Variants in SNCAIP observed in about 807,000 individuals in gnomAD.
SNCAIP encodes synuclein alpha interacting protein.
In SNCAIP, 43 loss-of-function variants were observed where a neutral mutation model predicts 86.7. The observed-to-expected ratio is 0.50, with a 90% CI of 0.39 to 0.64. The LOEUF (loss-of-function observed/expected upper bound fraction) is 0.64, where lower values mean the gene tolerates loss of function less well. Among genes scored for constraint, SNCAIP ranks in the 30% least tolerant of loss-of-function variants. The pLI is 0.00. For missense variants in SNCAIP, 981 were observed against 1,103.1 expected (o/e 0.89, Z 1.57); for synonymous variants, 417 against 427.2 (o/e 0.98, Z 0.29).
intron 3 of SNCAIP, among the ~76,000 whole-genome samples, chr5:122,421,667 G>A (rs1405568067): frequency 6.6e-6 from 1 of 152,176 alleles, no homozygotes; most frequent in Non-Finnish European, 1.5e-5. Context: ...CATGCCCCCT[G>A]AAATCTCATC....
chr5:122,394,473 A>T (rs893719192), intron 2 of SNCAIP, among the ~76,000 whole-genome samples: 5 of 152,228 alleles, frequency 3.3e-5, no homozygotes, highest in African/African-American at 1.2e-4. Context: ...TAAACTATAC[A>T]TTCTTGTAAT....
At chr5:122,437,309 A>G (rs996783486) in intron 6 of SNCAIP, 5 of 152,190 alleles carry the variant, frequency 3.3e-5, no homozygotes, top group Non-Finnish European at 7.4e-5. Context: ...CTCCACAGGC[A>G]TGGTCCCCAG....
At chr5:122,453,234 C>A (rs1784075293) in intron 10 of SNCAIP, among the ~76,000 whole-genome samples, 1 of 152,158 alleles carries the variant, frequency 6.6e-6, no homozygotes, top group Admixed American at 6.5e-5. Flanking sequence ...CTGCTCAGTT[C>A]ACAAACTTTT....
At chr5:122,356,628 C>T (rs1010587182) in intron 1 of SNCAIP, among the ~76,000 whole-genome samples, 19 of 152,186 alleles carry the variant, frequency 1.2e-4, no homozygotes, top group South Asian at 4.1e-4. Flanking sequence ...TCTCTTGGTT[C>T]CAGGGTCAGT....
At chr5:122,416,905 ATTG>A (rs762218242) in intron 3 of SNCAIP, among the ~76,000 whole-genome samples, 1 of 152,196 alleles carries the variant, frequency 6.6e-6, no homozygotes. Context: ...TGTGAGGTAT[ATTG>A]TTGTGTACAT....
At chr5:122,443,731 G>A (rs1257713555) in intron 7 of SNCAIP, 2 of 451,168 alleles carry the variant, frequency 4.4e-6, no homozygotes, top group South Asian at 1.6e-5. Context: ...ACTGGGAAAG[G>A]CATGCAACCT....
chr5:122,339,000 G>A (rs965513988), intron 1 of SNCAIP, among the ~76,000 whole-genome samples: 89 of 152,098 alleles, frequency 5.9e-4, no homozygotes, highest in African/African-American at 2.1e-3. Flanking sequence ...TCTAGGCCAG[G>A]GATTCCAAAG....
chr5:122,315,331 C>G (rs990905027), intron 1 of SNCAIP, among the ~76,000 whole-genome samples: 1 of 152,068 alleles, frequency 6.6e-6, no homozygotes, highest in Admixed American at 6.5e-5. Flanking sequence ...CAGCACACTC[C>G]CCTTGGCTTC....
intron 1 of SNCAIP, among the ~76,000 whole-genome samples, chr5:122,317,467 A>G (rs1751996781): frequency 6.6e-6 from 1 of 152,180 alleles, no homozygotes; most frequent in Non-Finnish European, 1.5e-5. Context: ...GATCACATGC[A>G]TATGCTTGAA....
intron 1 of SNCAIP, among the ~76,000 whole-genome samples, chr5:122,343,835 G>A (rs117323328): frequency 6.6e-6 from 1 of 152,220 alleles, no homozygotes; most frequent in African/African-American, 2.4e-5. Flanking sequence ...TAGGGGCATA[G>A]TCACCTCTGG....
intron 8 of SNCAIP, among the ~76,000 whole-genome samples, chr5:122,446,578 C>G (rs527292293): frequency 6.6e-6 from 1 of 152,312 alleles, no homozygotes; most frequent in South Asian, 2.1e-4. Flanking sequence ...GAACAGAATG[C>G]TGTGGACAGC....
chr5:122,382,249 T>G (rs1204812726), intron 1 of SNCAIP, among the ~76,000 whole-genome samples: 17 of 152,260 alleles, frequency 1.1e-4, no homozygotes, highest in Non-Finnish European at 2.2e-4. Context: ...TTCTTTTTAT[T>G]CTTTTTTCTC....
At chr5:122,334,708 C>T (rs1756078674) in intron 1 of SNCAIP, among the ~76,000 whole-genome samples, 1 of 152,060 alleles carries the variant, frequency 6.6e-6, no homozygotes, top group Non-Finnish European at 1.5e-5. Flanking sequence ...TTTTAAAGAC[C>T]ATTCTACAAT....
At chr5:122,313,662 CTG>C (rs1380045413) in intron 1 of SNCAIP, among the ~76,000 whole-genome samples, 2 of 152,230 alleles carry the variant, frequency 1.3e-5, no homozygotes, top group African/African-American at 4.8e-5. Flanking sequence ...AGTCTATTGA[CTG>C]TTTCTGATGC....
chr5:122,325,134 T>C (rs1218455025), intron 1 of SNCAIP, among the ~76,000 whole-genome samples: 1 of 152,150 alleles, frequency 6.6e-6, no homozygotes, highest in African/African-American at 2.4e-5. Context: ...CAAGGCAAGT[T>C]TGGGACACTT....
chr5:122,372,256 A>G (rs1322006343), intron 1 of SNCAIP, among the ~76,000 whole-genome samples: 1 of 152,196 alleles, frequency 6.6e-6, no homozygotes, highest in Non-Finnish European at 1.5e-5. Flanking sequence ...TTGTGTTTCT[A>G]AAAGAGCTCT....
At chr5:122,440,004 C>T (rs961533781) in intron 6 of SNCAIP, among the ~76,000 whole-genome samples, 2 of 152,160 alleles carry the variant, frequency 1.3e-5, no homozygotes, top group African/African-American at 4.8e-5. Context: ...GAAGGGAAAT[C>T]TTTACCTTAA....
At chr5:122,322,030 T>C (rs1050911520) in intron 1 of SNCAIP, among the ~76,000 whole-genome samples, 1 of 151,812 alleles carries the variant, frequency 6.6e-6, no homozygotes, top group South Asian at 2.1e-4. Context: ...AAGCCTCCTG[T>C]TGAGATTGCA....
intron 2 of SNCAIP, among the ~76,000 whole-genome samples, chr5:122,398,489 G>T (rs2152859058): frequency 6.6e-6 from 1 of 152,238 alleles, no homozygotes; most frequent in Middle Eastern, 3.4e-3. Flanking sequence ...TTTCATTTCA[G>T]CTACATGTCT....
Sources: allele counts gnomAD v4.1 joint callset (sites outside exome capture counted in the v4.1 genomes callset), GRCh38; gene constraint gnomAD v4.1.1; transcripts MANE v1.5; gene names NCBI Gene and HGNC (gene_info 2026-07-23, HGNC 2026-07-21).